TTC23: variants seen among roughly 807,000 people sequenced by gnomAD.
TTC23 encodes tetratricopeptide repeat protein 23.
TTC23 carries 58 observed loss-of-function variants against 55.1 expected under a neutral mutation model. The observed-to-expected ratio is 1.05, with a 90% CI of 0.85 to 1.31. The LOEUF (loss-of-function observed/expected upper bound fraction) is 1.31. Ranked by LOEUF, TTC23 falls within the 50% of genes most tolerant of loss-of-function variation. The probability of loss-of-function intolerance (pLI) is 0.00; values close to 1 mark genes in which losing one functional copy is unlikely to be tolerated. For synonymous variants in TTC23, 203 were observed against 199.9 expected (o/e 1.02, Z -0.13); for missense variants, 516 against 534.4 (o/e 0.97, Z 0.34).
chr15:99,224,218 C>T (rs1161292150), intron 5 of TTC23, among the ~76,000 whole-genome samples: 4 of 152,142 alleles, frequency 2.6e-5, no homozygotes, highest in Non-Finnish European at 4.4e-5. Flanking sequence ...TCTACAGTAA[C>T]GTTTCTTACT....
At chr15:99,186,253 T>A (rs970915513) in intron 9 of TTC23, among the ~76,000 whole-genome samples, 3 of 152,198 alleles carry the variant, frequency 2.0e-5, no homozygotes, top group African/African-American at 7.2e-5. Context: ...TTGTAGGTTA[T>A]TTTTTTAAGG....
chr15:99,247,339 A>G (rs997522385), intron 1 of TTC23, among the ~76,000 whole-genome samples: 1 of 152,208 alleles, frequency 6.6e-6, no homozygotes, highest in African/African-American at 2.4e-5. Flanking sequence ...AACTGAAAAC[A>G]CACGTTCATA....
chr15:99,169,949 G>T (rs2072689021), intron 10 of TTC23, among the ~76,000 whole-genome samples: 1 of 152,184 alleles, frequency 6.6e-6, no homozygotes, highest in Non-Finnish European at 1.5e-5. Context: ...TTCCAAACAA[G>T]GCCGCCTGCA....
chr15:99,174,075 C>T (rs973119978), intron 10 of TTC23, among the ~76,000 whole-genome samples: 4 of 152,192 alleles, frequency 2.6e-5, no homozygotes, highest in African/African-American at 9.7e-5. Context: ...TCTCTCCATC[C>T]TTACACAGGC....
intron 8 of TTC23, among the ~76,000 whole-genome samples, chr15:99,210,211 T>C (rs2076937206): frequency 6.6e-6 from 1 of 152,146 alleles, no homozygotes; most frequent in South Asian, 2.1e-4. Flanking sequence ...AGGTACATTA[T>C]AAGGGTATAA....
chr15:99,181,882 G>A (rs933630564), intron 9 of TTC23, among the ~76,000 whole-genome samples: 1 of 152,180 alleles, frequency 6.6e-6, no homozygotes, highest in African/African-American at 2.4e-5. Flanking sequence ...TCTTTTAATA[G>A]TCAGAGAAAG....
intron 9 of TTC23, among the ~76,000 whole-genome samples, chr15:99,188,338 G>A (rs1316762331): frequency 3.3e-5 from 5 of 151,994 alleles, no homozygotes; most frequent in African/African-American, 9.7e-5. Context: ...AGGAGATGGG[G>A]GAAGAGGGAG....
At chr15:99,223,644 T>C (rs968242825) in intron 5 of TTC23, among the ~76,000 whole-genome samples, 9 of 152,142 alleles carry the variant, frequency 5.9e-5, no homozygotes, top group African/African-American at 2.2e-4. Flanking sequence ...CACAGTGCTG[T>C]GAGGAAGCCA....
intron 8 of TTC23, among the ~76,000 whole-genome samples, 181 bp from the exon 9 acceptor site, chr15:99,200,277 A>G (rs2076093718): frequency 1.3e-5 from 2 of 152,188 alleles, no homozygotes; most frequent in Non-Finnish European, 2.9e-5. Context: ...GGGTTCTGGA[A>G]TCACCAGGAA....
At chr15:99,221,226 G>C (rs754594080) in intron 6 of TTC23, among the ~76,000 whole-genome samples, 3 of 152,176 alleles carry the variant, frequency 2.0e-5, no homozygotes, top group Non-Finnish European at 4.4e-5. Context: ...GTGGGAGAGA[G>C]AAAAATTGAA....
intron 8 of TTC23, among the ~76,000 whole-genome samples, chr15:99,214,579 C>T (rs2077306861): frequency 6.6e-6 from 1 of 151,132 alleles, no homozygotes; most frequent in Non-Finnish European, 1.5e-5. Context: ...GTGAGCACCA[C>T]CACACTTGGA....
chr15:99,150,639 T>A (rs1555496408), intron 12 of TTC23, among the ~76,000 whole-genome samples: 1 of 152,256 alleles, frequency 6.6e-6, no homozygotes, highest in African/African-American at 2.4e-5. Flanking sequence ...GAGGATAACC[T>A]TTCACTTACT....
rs572840502 is a variant in TTC23 at position 99,222,472 on chromosome 15, T to G, written c.181-608A>C. 1.8e-4 allele frequency among the ~76,000 whole-genome samples: 27 copies of G among 152,298 alleles called. No individual in the cohort carries two copies. In the East Asian group the frequency reaches 4.8e-3, roughly 27 times the overall value. On this transcript the variant is annotated intron_variant, in intron 5 of 13. Transcript: ENST00000394132. ...TTTGTATTTTTGGTAGAGATGGGATTTTGCCATGTTGCCCAGGCTGTCAAA... is the reference window on the plus strand; with the variant it reads ...TTTGTATTTTTGGTAGAGATGGGATGTTGCCATGTTGCCCAGGCTGTCAAA...
At chr15:99,149,241 A>T (rs1163700558) in intron 12 of TTC23, among the ~76,000 whole-genome samples, 2 of 152,228 alleles carry the variant, frequency 1.3e-5, no homozygotes, top group African/African-American at 4.8e-5. Flanking sequence ...TCACATAGGT[A>T]CATGTGGAGG....
intron 10 of TTC23, among the ~76,000 whole-genome samples, chr15:99,171,173 C>G (rs1273257919): frequency 6.6e-6 from 1 of 152,212 alleles, no homozygotes. Flanking sequence ...AGCATTGACT[C>G]ACCTTTAAGG....
chr15:99,164,465 T>G (rs887840420), intron 10 of TTC23, among the ~76,000 whole-genome samples: 3 of 152,200 alleles, frequency 2.0e-5, no homozygotes, highest in Admixed American at 1.3e-4. Flanking sequence ...TGAAGATAGC[T>G]TCAGGGTGAC....
chr15:99,187,452 C>CAAAAAAAAAAAAAAAAGAAAAA (rs66568931), intron 9 of TTC23, among the ~76,000 whole-genome samples: 1 of 44,504 alleles, frequency 2.2e-5, no homozygotes, highest in Non-Finnish European at 4.0e-5. Flanking sequence ...AAAGCACAAG[C>CAAAAAAAAAAAAAAAAGAAAAA]AAAAAAAAAA....
In TTC23 at chr15:99,228,778, A is replaced by G. The variant is rs36110116; in HGVS notation, c.-20-46T>C. On this transcript the variant is annotated intron_variant, in intron 4 of 13. Transcript: ENST00000394132. ...AAAGATGTTAAATGATAATTTCCAT[A>G]GTTACTTTTAGAAATATACATTTCA... 1.9e-3 allele frequency: 2,711 copies of G among 1,399,378 alleles called. 3 individuals are homozygous for G. Among genetic ancestry groups the G allele is most frequent in the South Asian group, 3.9e-3 (255 of 65,578 alleles). The allele number at this position is 1,399,378 out of a possible 1,614,324, so 86.7% of individuals were successfully genotyped here.
chr15:99,246,430 A>ATGG (rs1597081680), intron 1 of TTC23, among the ~76,000 whole-genome samples: 1 of 152,024 alleles, frequency 6.6e-6, no homozygotes, highest in East Asian at 1.9e-4. Flanking sequence ...CCTGGCCAAC[A>ATGG]TGGTGAAACC....
Sources: allele counts gnomAD v4.1 joint callset (sites outside exome capture counted in the v4.1 genomes callset), GRCh38; gene constraint gnomAD v4.1.1; transcripts MANE v1.5; gene names NCBI Gene and HGNC (gene_info 2026-07-23, HGNC 2026-07-21).